IMMP2L: variants seen among roughly 807,000 people sequenced by gnomAD.
The protein encoded by IMMP2L is inner mitochondrial membrane peptidase subunit 2.
In IMMP2L, 18 loss-of-function variants were observed where a neutral mutation model predicts 19.3. That is an observed-to-expected ratio of 0.93 (90% CI 0.64 to 1.38). IMMP2L has a LOEUF of 1.38. IMMP2L is among the 40% of genes most tolerant of loss of function. The pLI, the probability that IMMP2L is intolerant of heterozygous loss-of-function variation, is 0.00. For missense variants in IMMP2L, 233 were observed against 218.2 expected (o/e 1.07, Z -0.43); for synonymous variants, 76 against 73.0 (o/e 1.04, Z -0.21).
intron 3 of IMMP2L, among the ~76,000 whole-genome samples, chr7:111,211,609 GA>G (rs972446126): frequency 2.0e-5 from 3 of 152,172 alleles, no homozygotes; most frequent in African/African-American, 7.2e-5. Flanking sequence ...GCCATACTGT[GA>G]AAAACTTGGG....
chr7:110,950,009 T>C (rs1817632513), intron 4 of IMMP2L, among the ~76,000 whole-genome samples: 1 of 152,196 alleles, frequency 6.6e-6, no homozygotes, highest in African/African-American at 2.4e-5. Context: ...TACTTTTGCT[T>C]ATGTTGCAGG....
At chr7:111,295,240 C>A (rs543638343) in intron 3 of IMMP2L, among the ~76,000 whole-genome samples, 1 of 152,004 alleles carries the variant, frequency 6.6e-6, no homozygotes, top group South Asian at 2.1e-4. Context: ...ACTGTCTTCA[C>A]ACAATTTGGC....
intron 1 of IMMP2L, among the ~76,000 whole-genome samples, chr7:111,539,196 G>GAAGGAGAA (rs1848235484): frequency 1.7e-3 from 51 of 30,058 alleles, no homozygotes; most frequent in East Asian, 3.9e-3. Flanking sequence ...AGGAAGGAGG[G>GAAGGAGAA]AGAAAGAAAG....
chr7:111,476,746 C>T (rs1368726065), intron 3 of IMMP2L, among the ~76,000 whole-genome samples: 1 of 152,170 alleles, frequency 6.6e-6, no homozygotes, highest in East Asian at 1.9e-4. Context: ...CTGCTTTCCT[C>T]TGCCCATGGC....
At chr7:111,089,994 C>A (rs1475663914) in intron 3 of IMMP2L, among the ~76,000 whole-genome samples, 1 of 151,446 alleles carries the variant, frequency 6.6e-6, no homozygotes, top group Non-Finnish European at 1.5e-5. Context: ...AGTGCCATTT[C>A]TCTTTACTCC....
intron 3 of IMMP2L, among the ~76,000 whole-genome samples, chr7:111,309,399 C>T (rs770691096): frequency 7.2e-5 from 11 of 151,996 alleles, no homozygotes; most frequent in Non-Finnish European, 1.3e-4. Context: ...AACCAGTTAA[C>T]GAAATGGAAG....
At chr7:111,384,819 T>A (rs556615375) in intron 3 of IMMP2L, among the ~76,000 whole-genome samples, 1 of 152,344 alleles carries the variant, frequency 6.6e-6, no homozygotes, top group African/African-American at 2.4e-5. Flanking sequence ...TTACATTTTA[T>A]GTATTTTTTT....
intron 5 of IMMP2L, among the ~76,000 whole-genome samples, chr7:110,687,043 C>T (rs770772973): frequency 1.9e-4 from 29 of 152,072 alleles, no homozygotes; most frequent in Non-Finnish European, 4.0e-4. Context: ...GAACAAGTTC[C>T]ATACAAGTTC....
chr7:110,912,458 G>A (rs75844875), intron 4 of IMMP2L, among the ~76,000 whole-genome samples: 2 of 152,026 alleles, frequency 1.3e-5, no homozygotes, highest in African/African-American at 4.8e-5. Flanking sequence ...ATGGATCTCA[G>A]ACTGGAAATA....
chr7:111,319,256 C>A (rs1824425589), intron 3 of IMMP2L, among the ~76,000 whole-genome samples: 1 of 151,996 alleles, frequency 6.6e-6, no homozygotes, highest in Non-Finnish European at 1.5e-5. Flanking sequence ...AAAGCTGTGA[C>A]CTTGATGTTC....
intron 3 of IMMP2L, among the ~76,000 whole-genome samples, chr7:111,434,990 T>A (rs949430428): frequency 1.4e-4 from 22 of 151,846 alleles, no homozygotes; most frequent in Admixed American, 8.5e-4. Flanking sequence ...TCTCATACCA[T>A]CTTTCACCAG....
chr7:111,001,097 C>T (rs540556626), intron 3 of IMMP2L, among the ~76,000 whole-genome samples: 1 of 152,272 alleles, frequency 6.6e-6, no homozygotes, highest in African/African-American at 2.4e-5. Context: ...ACAGCATTAT[C>T]AATGCAACAC....
intron 3 of IMMP2L, among the ~76,000 whole-genome samples, chr7:111,265,981 G>T (rs1817789971): frequency 6.6e-6 from 1 of 152,116 alleles, no homozygotes; most frequent in Non-Finnish European, 1.5e-5. Context: ...AATCACAGCA[G>T]CCTGCTCTCA....
At chr7:110,983,480 T>C (rs1015361566) in intron 3 of IMMP2L, among the ~76,000 whole-genome samples, 2 of 152,042 alleles carry the variant, frequency 1.3e-5, no homozygotes, top group Non-Finnish European at 2.9e-5. Flanking sequence ...CGTCATCATA[T>C]AGAAATTTAG....
intron 3 of IMMP2L, among the ~76,000 whole-genome samples, chr7:111,135,727 A>T (rs1321602210): frequency 6.6e-6 from 1 of 152,188 alleles, no homozygotes; most frequent in Non-Finnish European, 1.5e-5. Context: ...CAAAATCAAG[A>T]ACATACAAAA....
At chr7:111,227,613 C>T (rs1284705354) in intron 3 of IMMP2L, among the ~76,000 whole-genome samples, 1 of 151,896 alleles carries the variant, frequency 6.6e-6, no homozygotes, top group East Asian at 1.9e-4. Context: ...CCTATAAAGA[C>T]AAAAACTGAG....
At chr7:110,878,718 A>G (rs936279920) in intron 5 of IMMP2L, among the ~76,000 whole-genome samples, 2 of 152,064 alleles carry the variant, frequency 1.3e-5, no homozygotes, top group Admixed American at 1.3e-4. Context: ...AATGTATTTT[A>G]AAAAACTGAA....
chr7:111,205,984 G>A (rs528616994), intron 3 of IMMP2L, among the ~76,000 whole-genome samples: 3 of 152,290 alleles, frequency 2.0e-5, no homozygotes, highest in South Asian at 2.1e-4. Flanking sequence ...GTAGAGGACC[G>A]CCTGCACAGC....
At chr7:110,835,053 G>A (rs1437384619) in intron 5 of IMMP2L, among the ~76,000 whole-genome samples, 3 of 152,112 alleles carry the variant, frequency 2.0e-5, no homozygotes, top group Admixed American at 2.0e-4. Flanking sequence ...TTCATCACCT[G>A]TGCCACCTAG....
Sources: allele counts gnomAD v4.1 joint callset (sites outside exome capture counted in the v4.1 genomes callset), GRCh38; gene constraint gnomAD v4.1.1; transcripts MANE v1.5; gene names NCBI Gene and HGNC (gene_info 2026-07-23, HGNC 2026-07-21).